Variants in NR1I3 observed in about 807,000 individuals in gnomAD.
The protein encoded by NR1I3 is constitutive activator of retinoid response.
In NR1I3, 30 loss-of-function variants were observed where a neutral mutation model predicts 38.4. The ratio of observed to expected loss-of-function variants is 0.78; its 90% confidence interval spans 0.58 to 1.06. The LOEUF (loss-of-function observed/expected upper bound fraction) is 1.06, where lower values mean the gene tolerates loss of function less well. Among genes scored for constraint, NR1I3 ranks in the 50% least tolerant of loss-of-function variants. The pLI is 0.00. For missense variants in NR1I3, 388 were observed against 435.7 expected (o/e 0.89, Z 0.97); for synonymous variants, 143 against 165.1 (o/e 0.87, Z 1.03).
Position 161,238,044 on chromosome 1 carries a change from C to A in NR1I3, c.-37G>T, listed in dbSNP as rs769343586. 10 of 1,613,768 alleles carry A rather than the reference C, an allele frequency of 6.2e-6. No individual in the cohort carries two copies. Among genetic ancestry groups the A allele is most frequent in the African/African-American group, 1.3e-5 (1 of 75,030 alleles). Reference sequence around the variant, plus strand: ...TGGTCCCCAACAGATTTCCTACCTGCTTCTCTTAGGCAGCATGTCACCTGC... The same window carrying A: ...TGGTCCCCAACAGATTTCCTACCTGATTCTCTTAGGCAGCATGTCACCTGC... On this transcript the variant is annotated 5_prime_UTR_variant, in exon 1 of 9. Coordinates refer to ENST00000367983, the MANE Select transcript of NR1I3 (RefSeq NM_005122.5).
Position 161,233,219 on chromosome 1 carries a change from C to T in NR1I3, c.358G>A (p.Ala120Thr), listed in dbSNP as rs768389092. ...QEELIRTLLG[A>T]HTRHMGTMFE... ...ATGGTGCCCATGTGGCGGGTGTGGG[C>T]CCCCAGGAGTGTCCGGATCAGCTCT... Residue 120 changes from alanine to threonine, a missense_variant, in exon 4 of 9, where the codon GCC becomes ACC. By Grantham distance (58) the Ala-to-Thr change is moderately conservative. Coordinates refer to ENST00000367983, the MANE Select transcript of NR1I3 (RefSeq NM_005122.5). 6 of 1,613,340 alleles carry T rather than the reference C, an allele frequency of 3.7e-6. No homozygotes were observed. In the South Asian group the frequency reaches 6.6e-5, roughly 18 times the overall value.
intron 7 of NR1I3, 68 bp from the exon 8 acceptor site, chr1:161,230,986 CTG>C: frequency 6.2e-7 from 1 of 1,612,628 alleles, no homozygotes; most frequent in Non-Finnish European, 8.5e-7. Context: ...GCCCCGGGGA[CTG>C]AGGCTGGGAT....
intron 3 of NR1I3, among the ~76,000 whole-genome samples, chr1:161,234,439 G>T (rs938114634): frequency 6.6e-6 from 1 of 151,136 alleles, no homozygotes; most frequent in Admixed American, 6.5e-5. Context: ...CCAAGATCTT[G>T]AATTCAGACC....
At chr1:161,233,835 ATATGTGTGTGTGTGTG>A (rs745915268) in intron 3 of NR1I3, among the ~76,000 whole-genome samples, 4 of 95,004 alleles carry the variant, frequency 4.2e-5, no homozygotes, top group African/African-American at 1.4e-4. Flanking sequence ...CATCATATAT[ATATGTGTGTGTGTGTG>A]TGTGTGTGTG....
intron 7 of NR1I3, 25 bp downstream of exon 7, chr1:161,231,092 G>C: frequency 6.2e-7 from 1 of 1,614,126 alleles, no homozygotes; most frequent in South Asian, 1.1e-5. Context: ...GCAGCAAAAG[G>C]CTCTGGGCTT....
At chr1:161,236,065 T>G in intron 2 of NR1I3, 88 bp from the exon 3 acceptor site, 1 of 1,450,000 alleles carries the variant, frequency 6.9e-7, no homozygotes, top group African/African-American at 1.4e-5. Context: ...CCTGGGAATC[T>G]GGTGAAATGG....
At chr1:161,231,667 A>AT (rs1380184412) in intron 5 of NR1I3, among the ~76,000 whole-genome samples, 193 bp from the exon 6 acceptor site, 1 of 151,696 alleles carries the variant, frequency 6.6e-6, no homozygotes, top group Non-Finnish European at 1.5e-5. Flanking sequence ...TGCCTGGCTG[A>AT]TTTTTTGTAT....
At chr1:161,230,153 A>G (rs936071185) in intron 8 of NR1I3, 36 of 526,048 alleles carry the variant, frequency 6.8e-5, no homozygotes, top group Non-Finnish European at 1.1e-4. Context: ...TTCTGAACCC[A>G]GAGCTCTGAG....
intron 5 of NR1I3, among the ~76,000 whole-genome samples, chr1:161,232,144 A>G (rs1667474854): frequency 6.7e-6 from 1 of 149,186 alleles, no homozygotes; most frequent in African/African-American, 2.5e-5. Flanking sequence ...CCACCACCAC[A>G]CCCAGCTAAG....
chr1:161,231,150 C>T lies in NR1I3; in HGVS notation c.778G>A (p.Val260Met). The change falls in exon 7 of 9, where the codon GTG becomes ATG. Residue 260 changes from valine (V) to methionine (M), a missense_variant. Physicochemically the swap from Val to Met is conservative, Grantham distance 21. Transcript: ENST00000367983. ...RKLQLQEPEY[V>M]LLAAMALFSP... ...AAGAGGGCCATGGCAGCCAAGAGCA[C>T]ATACTCAGGCTCTTGGAGCTGCAGT... 6.2e-7 allele frequency: 1 copy of T among 1,614,142 alleles called. No individual in the cohort carries two copies.
intron 3 of NR1I3, 34 bp downstream of exon 3, chr1:161,235,813 C>G: frequency 6.2e-7 from 1 of 1,613,264 alleles, no homozygotes; most frequent in Non-Finnish European, 8.5e-7. Flanking sequence ...CAGACGCAGT[C>G]AATGGATTCT....
chr1:161,235,512 C>G (rs1291631641), intron 3 of NR1I3: 2 of 228,612 alleles, frequency 8.7e-6, no homozygotes, highest in Non-Finnish European at 1.8e-5. Context: ...TCGTGATCCG[C>G]CTGCCTCGGC....
intron 5 of NR1I3, 35 bp downstream of exon 5, chr1:161,232,772 G>T (rs371281819): frequency 1.2e-6 from 2 of 1,609,862 alleles, no homozygotes; most frequent in South Asian, 2.2e-5. Flanking sequence ...TTACTGAAGT[G>T]TTTGCCTCCT....
rs746079846 is a variant in NR1I3 at position 161,231,250 on chromosome 1, G to A, written c.695-17C>T. On this transcript the variant is annotated splice_polypyrimidine_tract_variant and intron_variant, in intron 6 of 8. Transcript: ENST00000367983. The stretch of plus-strand genomic sequence containing the variant: ...GGAACCCCACTGTGGGAGATACTAG[G>A]ATTAGGAGCCTCTAGGTCACCTGAC... 3 of 1,613,944 alleles carry A rather than the reference G, an allele frequency of 1.9e-6. No individual in the cohort carries two copies. Among genetic ancestry groups the A allele is most frequent in the African/African-American group, 2.7e-5 (2 of 74,866 alleles).
chr1:161,235,072 C>G (rs547044188), intron 3 of NR1I3, among the ~76,000 whole-genome samples: 23 of 151,580 alleles, frequency 1.5e-4, no homozygotes, highest in African/African-American at 5.3e-4. Context: ...ACGCAGGAGG[C>G]GGAGGTTGCA....
At position 161,231,363 on chromosome 1, in the gene NR1I3, C is replaced by T. The variant is rs780391681; in HGVS notation, c.660G>A (p.Gly220=). Residue 220 remains glycine, a synonymous_variant, in exon 6 of 9, where the codon GGG becomes GGA. Coordinates refer to ENST00000367983, the MANE Select transcript of NR1I3 (RefSeq NM_005122.5). ...CATCTTCAATTGTGTAGCGAAGAGG[C>T]CCGCAGAGGAAGTTTTGTGTTTGGA... ...FCLQTQNFLC[G]PLRYTIEDGA... 9 of 1,563,718 alleles carry T rather than the reference C, an allele frequency of 5.8e-6. No individual in the cohort carries two copies. The highest frequency in any genetic ancestry group is 7.8e-6 in the Non-Finnish European group (9 of 1,158,620).
intron 3 of NR1I3, 29 bp from the exon 4 acceptor site, chr1:161,233,367 C>T (rs1667778560): frequency 1.2e-6 from 2 of 1,603,744 alleles, no homozygotes; most frequent in Non-Finnish European, 1.7e-6. Context: ...CATGACAAAG[C>T]TGTTGAGACC....
At chr1:161,236,241 T>C in intron 2 of NR1I3, 1 of 656,890 alleles carries the variant, frequency 1.5e-6, no homozygotes, top group Non-Finnish European at 2.6e-6. Context: ...ACTAATGGGC[T>C]GTGTCCATCA....
chr1:161,235,260 T>G (rs7414014), intron 3 of NR1I3: 2 of 15,692 alleles, frequency 1.3e-4, no homozygotes, highest in Non-Finnish European at 1.1e-4. Flanking sequence ...CTTGGTGTTT[T>G]TTTTTTTTTT....
Sources: gnomAD v4.1 joint callset for allele counts (sites outside exome capture counted in the v4.1 genomes callset) on GRCh38, gnomAD v4.1.1 for gene constraint, MANE v1.5 for transcripts, NCBI Gene and HGNC (gene_info 2026-07-23, HGNC 2026-07-21) for gene names.